Variants in THOC3 observed in about 807,000 individuals in gnomAD.
The protein encoded by THOC3 is TEX1 homolog.
Under a neutral mutation model 23.3 loss-of-function variants are expected in THOC3, and 4 were observed. That is an observed-to-expected ratio of 0.17 (90% CI 0.08 to 0.39). The LOEUF is 0.39. Among genes scored for constraint, THOC3 ranks in the 10% least tolerant of loss-of-function variants. The pLI is 1.00. For missense variants in THOC3, 64 were observed against 359.4 expected (o/e 0.18, Z 6.65); for synonymous variants, 27 against 141.5 (o/e 0.19, Z 5.74).
chr5:175,963,390 C>T (rs1463391488), intron 3 of THOC3, among the ~76,000 whole-genome samples: 5 of 151,654 alleles, frequency 3.3e-5, no homozygotes, highest in African/African-American at 9.7e-5. Context: ...TTTTAATGAG[C>T]AAAACTAGGG....
At chr5:175,963,228 A>G (rs1756699989) in intron 3 of THOC3, among the ~76,000 whole-genome samples, 1 of 152,254 alleles carries the variant, frequency 6.6e-6, no homozygotes, top group Non-Finnish European at 1.5e-5. Flanking sequence ...CTCTTTACAC[A>G]ACAGTCCAAC....
intron 3 of THOC3, among the ~76,000 whole-genome samples, chr5:175,963,350 A>T (rs1330763491): frequency 6.6e-6 from 1 of 152,306 alleles, no homozygotes; most frequent in Non-Finnish European, 1.5e-5. Flanking sequence ...GTAATTTAAG[A>T]GATACAAAAG....
intron 3 of THOC3, among the ~76,000 whole-genome samples, chr5:175,963,937 C>G (rs1228964482): frequency 6.6e-6 from 1 of 152,302 alleles, no homozygotes; most frequent in Non-Finnish European, 1.5e-5. Context: ...CTCCTTCAAC[C>G]CCCCATATAG....
chr5:175,962,520 C>T (rs1756682173), intron 3 of THOC3, among the ~76,000 whole-genome samples: 1 of 102,296 alleles, frequency 9.8e-6, no homozygotes, highest in Non-Finnish European at 1.9e-5. Context: ...ATGTAAGGCT[C>T]CTTTTTTTTT....
At chr5:175,967,655 GT>G (rs1341774409) in intron 1 of THOC3, 1 of 382,524 alleles carries the variant, frequency 2.6e-6, no homozygotes, top group African/African-American at 2.4e-5. Context: ...TCGCAGCCCT[GT>G]CCCATCCACC....
chr5:175,968,082 G>C lies in THOC3; in HGVS notation c.127C>G (p.Arg43Gly). Residue 43 changes from arginine (R) to glycine (G), a missense_variant, in exon 1 of 6, where the codon CGG (arginine) becomes GGG (glycine). Physicochemically the swap from Arg to Gly is moderately radical, Grantham distance 125 (BLOSUM62 -2). Coordinates refer to ENST00000265097, the MANE Select transcript of THOC3 (RefSeq NM_032361.4). ...RYVLGMQELF[R>G]GHSKTREFLA... Reference sequence around the variant, plus strand: ...AACTCGCGCGTCTTGCTGTGGCCCCGGAACAGCTCCTGCATCCCAAGCACG... The same window carrying C: ...AACTCGCGCGTCTTGCTGTGGCCCCCGAACAGCTCCTGCATCCCAAGCACG... The C allele has an allele frequency of 6.2e-7, 1 of 1,611,268 alleles. No individual in the cohort carries two copies. The highest frequency in any genetic ancestry group is 8.5e-7 in the Non-Finnish European group (1 of 1,179,530).
At chr5:175,964,406 G>T (rs1223272737) in intron 3 of THOC3, among the ~76,000 whole-genome samples, 2 of 152,282 alleles carry the variant, frequency 1.3e-5, no homozygotes, top group African/African-American at 4.8e-5. Flanking sequence ...ATCACCTGAG[G>T]TCGGGAGTTG....
At chr5:175,963,703 CATAAA>C (rs1335450229) in intron 3 of THOC3, among the ~76,000 whole-genome samples, 2 of 149,804 alleles carry the variant, frequency 1.3e-5, no homozygotes, top group East Asian at 3.9e-4. Context: ...AGATACTAAG[CATAAA>C]ATAAAGGCCT....
At chr5:175,964,151 A>G (rs1756719619) in intron 3 of THOC3, among the ~76,000 whole-genome samples, 1 of 152,258 alleles carries the variant, frequency 6.6e-6, no homozygotes, top group African/African-American at 2.4e-5. Flanking sequence ...AGGACTAGAC[A>G]TTAGGGACTC....
intron 3 of THOC3, among the ~76,000 whole-genome samples, chr5:175,961,744 C>A (rs1756663359): frequency 6.6e-6 from 1 of 151,902 alleles, no homozygotes. Context: ...AAATGGAGTA[C>A]CATATTTAAG....
At chr5:175,966,397 A>T (rs1254434812) in intron 2 of THOC3, among the ~76,000 whole-genome samples, 1 of 151,494 alleles carries the variant, frequency 6.6e-6, no homozygotes, top group African/African-American at 2.4e-5. Context: ...CTTGTCAACA[A>T]AGTCCAGTGG....
intron 3 of THOC3, among the ~76,000 whole-genome samples, chr5:175,964,552 G>A (rs1194678987): frequency 6.6e-6 from 1 of 151,188 alleles, no homozygotes; most frequent in African/African-American, 2.4e-5. Flanking sequence ...GGAGGCAGAG[G>A]TTGCGGTGAG....
intron 3 of THOC3, among the ~76,000 whole-genome samples, chr5:175,964,436 T>C (rs1298419310): frequency 1.3e-5 from 2 of 152,244 alleles, no homozygotes; most frequent in African/African-American, 2.4e-5. Context: ...CTGACCAACA[T>C]GGAGAAACCC....
At chr5:175,965,192 T>C (rs1473423132) in intron 2 of THOC3, 37 bp from the exon 3 acceptor site, 1 of 1,612,390 alleles carries the variant, frequency 6.2e-7, no homozygotes, top group Non-Finnish European at 8.5e-7. Context: ...ATAATCTGTT[T>C]GCTCATAATC....
chr5:175,965,285 G>A, intron 2 of THOC3, 130 bp from the exon 3 acceptor site: 2 of 1,425,062 alleles, frequency 1.4e-6, no homozygotes. Flanking sequence ...GACAATGGAA[G>A]GGAGCTACCA....
intron 5 of THOC3, chr5:175,960,425 G>T (rs1756640432): frequency 9.6e-6 from 3 of 312,992 alleles, no homozygotes; most frequent in South Asian, 7.7e-5. Context: ...CTGGATGCTG[G>T]ACAATGTTCA....
intron 2 of THOC3, among the ~76,000 whole-genome samples, chr5:175,966,130 A>G (rs1407907660): frequency 1.3e-5 from 2 of 151,296 alleles, no homozygotes; most frequent in African/African-American, 4.9e-5. Flanking sequence ...CAGGGAGCCA[A>G]TATTGTGCCA....
At chr5:175,966,517 T>C (rs1421981840) in intron 2 of THOC3, among the ~76,000 whole-genome samples, 1 of 146,016 alleles carries the variant, frequency 6.8e-6, no homozygotes. Flanking sequence ...TCAGAAAGCA[T>C]TTCAAAATTT....
At chr5:175,963,114 C>T (rs2113053165) in intron 3 of THOC3, among the ~76,000 whole-genome samples, 1 of 152,322 alleles carries the variant, frequency 6.6e-6, no homozygotes, top group Middle Eastern at 3.4e-3. Context: ...TTGGAGGTAG[C>T]AGGAAACAAA....
Sources: allele counts gnomAD v4.1 joint callset (sites outside exome capture counted in the v4.1 genomes callset), GRCh38; gene constraint gnomAD v4.1.1; transcripts MANE v1.5; gene names NCBI Gene and HGNC (gene_info 2026-07-23, HGNC 2026-07-21).